The following FRYL variants were observed in gnomAD, a reference collection of about 807,000 sequenced individuals.
FRYL encodes protein furry homolog-like.
A neutral mutation model predicts 351.2 loss-of-function variants in FRYL; 150 were observed. The observed-to-expected ratio is 0.43, with a 90% CI of 0.37 to 0.49. FRYL has a LOEUF of 0.49. FRYL is among the 20% of genes least tolerant of loss of function. The pLI is 0.00. For missense variants in FRYL, 3,036 were observed against 3,619.3 expected, an observed-to-expected ratio of 0.84 and a Z score of 4.13; for synonymous variants, 1,153 against 1,257.1, an observed-to-expected ratio of 0.92 and a Z score of 1.75.
intron 3 of FRYL, among the ~76,000 whole-genome samples, chr4:48,662,616 T>C (rs548914451): frequency 4.0e-5 from 6 of 151,814 alleles, no homozygotes; most frequent in Admixed American, 2.0e-4. Context: ...AAACCAGTGA[T>C]AGAGAAAGAA....
chr4:48,711,563 A>C (rs529927068), intron 1 of FRYL, among the ~76,000 whole-genome samples: 56 of 152,384 alleles, frequency 3.7e-4, no homozygotes, highest in African/African-American at 1.2e-3. Context: ...GCAGCCGGGA[A>C]GCTCGAACTG....
intron 59 of FRYL, chr4:48,506,534 T>C (rs914344373): frequency 1.3e-5 from 2 of 149,828 alleles, no homozygotes; most frequent in Non-Finnish European, 3.0e-5. Flanking sequence ...GGTAAGCTCC[T>C]AGCTTTGGAC....
At chr4:48,759,160 A>G (rs888842266) in intron 1 of FRYL, among the ~76,000 whole-genome samples, 35 of 152,268 alleles carry the variant, frequency 2.3e-4, no homozygotes, top group African/African-American at 6.5e-4. Flanking sequence ...CGGCACACCA[A>G]CATGGCACAT....
At chr4:48,557,431 A>G in intron 34 of FRYL, 22 bp downstream of exon 34, 1 of 1,612,422 alleles carries the variant, frequency 6.2e-7, no homozygotes, top group Non-Finnish European at 8.5e-7. Flanking sequence ...TGCAGCAATT[A>G]TAAATACAAA....
intron 1 of FRYL, among the ~76,000 whole-genome samples, chr4:48,731,924 A>C (rs1200154113): frequency 2.6e-5 from 4 of 152,242 alleles, no homozygotes; most frequent in African/African-American, 9.6e-5. Flanking sequence ...CAAAATTGAC[A>C]AATGGGATCT....
chr4:48,569,124 T>C (rs779106493), intron 27 of FRYL, among the ~76,000 whole-genome samples: 6 of 152,152 alleles, frequency 3.9e-5, no homozygotes, highest in Non-Finnish European at 7.4e-5. Flanking sequence ...AATTTTGCAG[T>C]CCCCAAAATA....
intron 62 of FRYL, 127 bp downstream of exon 62, chr4:48,501,496 C>T: frequency 1.5e-6 from 1 of 652,432 alleles, no homozygotes; most frequent in South Asian, 1.7e-5. Flanking sequence ...ACAAATTATT[C>T]CTTAACTAAA....
In FRYL at chr4:48,592,082, T is replaced by TTATA. The variant is rs56320005; in HGVS notation, c.1336-1256_1336-1253dup. ...GGAATACGGGAAGAAAATAAAGCTC[T>TTATA]TATATATATATATATATATATATAT... is the stretch of plus-strand genomic sequence containing the variant. On this transcript the variant is annotated intron_variant, in intron 16 of 63. Coordinates refer to ENST00000358350, the MANE Select transcript of FRYL (RefSeq NM_015030.2). Among the ~76,000 whole-genome samples the TTATA allele has an allele frequency of 7.9e-3, 912 of 116,048 alleles. 44 individuals are homozygous for TTATA. The highest frequency in any genetic ancestry group is 0.023 in the African/African-American group (511 of 22,168). 76.1% of individuals were successfully genotyped at this position (116,048 alleles called of 152,430 possible).
chr4:48,634,560 A>G (rs1248858208), intron 3 of FRYL, 70 bp from the exon 4 acceptor site: 150 of 1,210,598 alleles, frequency 1.2e-4, no homozygotes, highest in Non-Finnish European at 1.7e-4. Flanking sequence ...TAACTACCCT[A>G]TTTAATTTGT....
At chr4:48,668,684 A>G (rs1762166083) in intron 3 of FRYL, among the ~76,000 whole-genome samples, 2 of 152,256 alleles carry the variant, frequency 1.3e-5, no homozygotes, top group African/African-American at 4.8e-5. Flanking sequence ...TCTGGTAAAA[A>G]GAAACAATAC....
At chr4:48,739,829 T>C (rs769935859) in intron 1 of FRYL, among the ~76,000 whole-genome samples, 11 of 152,248 alleles carry the variant, frequency 7.2e-5, no homozygotes, top group Non-Finnish European at 1.5e-4. Flanking sequence ...CTCACCAAAA[T>C]TCTTGGATTA....
chr4:48,671,768 G>A (rs775138749), intron 3 of FRYL, among the ~76,000 whole-genome samples: 6 of 143,830 alleles, frequency 4.2e-5, no homozygotes, highest in Non-Finnish European at 6.0e-5. Flanking sequence ...CACAAGAATC[G>A]CTTGAACCTG....
Position 48,573,095 on chromosome 4 carries a change from T to A in FRYL, c.2904+91A>T, listed in dbSNP as rs529725197. 39 of 912,420 alleles carry A rather than the reference T, an allele frequency of 4.3e-5. No individual in the cohort carries two copies. In the African/African-American group the frequency reaches 6.0e-4, roughly 14 times the overall value. The allele number at this position is 912,420 out of a possible 1,614,324, so 56.5% of individuals were successfully genotyped here. ...ATCTTAAAAAGAAGAATACACTAGA[T>A]AGTCTTCGTAATTTCTAACTTTTGA... On this transcript the variant is annotated intron_variant, in intron 26 of 63. Transcript: ENST00000358350.
intron 24 of FRYL, among the ~76,000 whole-genome samples, chr4:48,575,674 A>T (rs1739450265): frequency 6.6e-6 from 1 of 152,242 alleles, no homozygotes; most frequent in Non-Finnish European, 1.5e-5. Flanking sequence ...ATTTAGGGAA[A>T]TTCTAGAAAG....
chr4:48,687,509 A>AGGGGGGGG (rs1560861203), intron 2 of FRYL, among the ~76,000 whole-genome samples: 2 of 9,812 alleles, frequency 2.0e-4, no homozygotes, highest in Non-Finnish European at 4.1e-4. Context: ...GGGGGGGGTG[A>AGGGGGGGG]GGGGGGAGGG....
chr4:48,535,315 G>A (rs1182706953), intron 48 of FRYL, among the ~76,000 whole-genome samples: 1 of 151,740 alleles, frequency 6.6e-6, no homozygotes, highest in Non-Finnish European at 1.5e-5. Context: ...TTTTTAATTA[G>A]GTAAAGTGTA....
At chr4:48,555,817 C>G (rs1390093351) in intron 35 of FRYL, among the ~76,000 whole-genome samples, 1 of 152,216 alleles carries the variant, frequency 6.6e-6, no homozygotes, top group Non-Finnish European at 1.5e-5. Flanking sequence ...ACCAAGTGAA[C>G]TTGGGGAATG....
intron 60 of FRYL, among the ~76,000 whole-genome samples, chr4:48,504,432 A>C (rs1314827137): frequency 1.3e-5 from 2 of 152,122 alleles, no homozygotes; most frequent in South Asian, 2.1e-4. Flanking sequence ...CACTTAATAT[A>C]AACACCTAGT....
Position 48,501,690 on chromosome 4 carries a change from A to G in FRYL, c.8525T>C (p.Leu2842Ser). 2 of 1,610,672 alleles carry G rather than the reference A, an allele frequency of 1.2e-6. No homozygotes were observed. The highest frequency in any genetic ancestry group is 1.7e-6 in the Non-Finnish European group (2 of 1,177,352). The change falls in exon 62 of 64, where the codon TTG becomes TCG. Residue 2842 changes from leucine (L) to serine (S), a missense_variant. Leu to Ser is a moderately radical substitution (Grantham distance 145). This residue lies in a region of FRYL where 1,987 missense variants were observed against 2,311.7 expected (regional missense o/e 0.86). Coordinates refer to ENST00000358350, the MANE Select transcript of FRYL (RefSeq NM_015030.2). ...CRRLYKLHFQ[L>S]LLLFQAYCKL... Reference sequence around the variant, plus strand: ...ACAGTAGGCCTGGAACAGAAGCAGCAATTGAAAATGCAATTTGTATAATCT... The same window carrying G: ...ACAGTAGGCCTGGAACAGAAGCAGCGATTGAAAATGCAATTTGTATAATCT...
Sources: allele counts gnomAD v4.1 joint callset (sites outside exome capture counted in the v4.1 genomes callset), GRCh38; gene constraint gnomAD v4.1.1; regional missense constraint gnomAD v4.1.1; transcripts MANE v1.5; gene names NCBI Gene and HGNC (gene_info 2026-07-23, HGNC 2026-07-21).